Variants in ESS2 observed in about 807,000 individuals in gnomAD.
ESS2 encodes the protein ess-2 spliceosome associated protein, also known as splicing factor ESS-2 homolog.
A neutral mutation model predicts 52.0 loss-of-function variants in ESS2; 31 were observed. The ratio of observed to expected loss-of-function variants is 0.60; its 90% confidence interval spans 0.45 to 0.81. The LOEUF (loss-of-function observed/expected upper bound fraction) is 0.81, where lower values mean the gene tolerates loss of function less well. ESS2 is among the 30% of genes least tolerant of loss of function. The probability of loss-of-function intolerance (pLI) is 0.00; values close to 1 mark genes in which losing one functional copy is unlikely to be tolerated. For synonymous variants in ESS2, 285 were observed against 259.2 expected, an observed-to-expected ratio of 1.10 and a Z score of -0.95; for missense variants, 602 against 637.2, an observed-to-expected ratio of 0.94 and a Z score of 0.59.
chr22:19,136,031 TAAAA>T (rs377121962), intron 8 of ESS2, among the ~76,000 whole-genome samples: 1 of 92,536 alleles, frequency 1.1e-5, no homozygotes, highest in African/African-American at 4.4e-5. Flanking sequence ...CCCTATCTGT[TAAAA>T]AAAAAAAAAA....
rs540493772 is a variant in ESS2 at position 19,135,108 on chromosome 22, C to T, written c.1103G>A (p.Arg368Gln). ...CCGCAAGGCTTCCTGCTTCTTGGCC[C>T]GGTTCTTGGCAGCGGCCTCGTTGGC... ...KMANEAAAKN[R>Q]AKKQEALRRV... Residue 368 changes from arginine to glutamine, a missense_variant, in exon 9 of 10, where the codon CGG (arginine) becomes CAG (glutamine). Transcript: ENST00000252137. 9 of 1,614,104 alleles carry T rather than the reference C, an allele frequency of 5.6e-6. No homozygotes were observed. Among genetic ancestry groups the T allele is most frequent in the Admixed American group, 1.7e-5 (1 of 60,022 alleles).
At chr22:19,138,182 G>A in intron 7 of ESS2, 33 bp downstream of exon 7, 2 of 1,612,340 alleles carry the variant, frequency 1.2e-6, no homozygotes, top group Non-Finnish European at 8.5e-7. Context: ...AGTCCCAGCA[G>A]TAGACCCACT....
chr22:19,137,597 G>A lies in ESS2; in HGVS notation c.926-165C>T, dbSNP rs556900915. The stretch of plus-strand genomic sequence containing the variant: ...TGGAACCCTGGCACCTCCATCCTCC[G>A]AAAGGGAAATGCCAAGCTCCCAGCA... On this transcript the variant is annotated intron_variant, in intron 7 of 9. Coordinates refer to ENST00000252137, the MANE Select transcript of ESS2 (RefSeq NM_022719.3). 3.4e-4 allele frequency among the ~76,000 whole-genome samples: 51 copies of A among 152,238 alleles called. 1 individual carries two copies. The highest frequency in any genetic ancestry group is 1.2e-3 in the African/African-American group (50 of 41,540).
chr22:19,135,445 C>T (rs2083565364), intron 8 of ESS2, among the ~76,000 whole-genome samples: 2 of 152,198 alleles, frequency 1.3e-5, no homozygotes, highest in South Asian at 4.1e-4. Flanking sequence ...TTAGTGTTTC[C>T]CTGATTATCA....
In ESS2 at chr22:19,131,666, C is replaced by T; in HGVS notation, c.*2530G>A. On this transcript the variant is annotated 3_prime_UTR_variant, in exon 10 of 10. Transcript: ENST00000252137. The surrounding 1 kb of genome is among the most constrained non-coding windows in gnomAD (Gnocchi z 5.7). ...CCTCTGACGGACGGATCTACATCAT[C>T]ATGGAGCTTGGCGTCCAGGGCGACC... The T allele has an allele frequency of 7.4e-6, 12 of 1,614,166 alleles. No individual in the cohort carries two copies. The highest frequency in any genetic ancestry group is 2.2e-5 in the East Asian group (1 of 44,880).
At chr22:19,135,998 C>A (rs2083574344) in intron 8 of ESS2, among the ~76,000 whole-genome samples, 1 of 147,368 alleles carries the variant, frequency 6.8e-6, no homozygotes, top group Non-Finnish European at 1.5e-5. Context: ...CCACTGTTCT[C>A]CAGCCTGGGC....
At chr22:19,140,791 G>A (rs1258544827) in intron 3 of ESS2, among the ~76,000 whole-genome samples, 2 of 152,204 alleles carry the variant, frequency 1.3e-5, no homozygotes, top group African/African-American at 2.4e-5. Context: ...AAGACCCACG[G>A]GATGAGGACA....
intron 7 of ESS2, chr22:19,137,905 G>A: frequency 1.0e-6 from 1 of 985,350 alleles, no homozygotes; most frequent in Non-Finnish European, 1.2e-6. Context: ...GCAGTGCTAG[G>A]TAGACTTAGA....
intron 6 of ESS2, 101 bp downstream of exon 6, chr22:19,139,058 A>G: frequency 6.9e-7 from 1 of 1,440,004 alleles, no homozygotes. Flanking sequence ...GGTTCCACTC[A>G]CTGAGCTCTG....
chr22:19,132,700 G>A lies in ESS2; in HGVS notation c.*1496C>T. 1 of 562,130 alleles carries A rather than the reference G, an allele frequency of 1.8e-6. No individual in the cohort carries two copies. 34.8% of individuals were successfully genotyped at this position (562,130 alleles called of 1,614,324 possible). ...CAAATAAACCACAGGGTGTGTGCAA[G>A]CATCAAGAGTGCCCAGTGAGGAGTG... On this transcript the variant is annotated 3_prime_UTR_variant, in exon 10 of 10. Coordinates refer to ENST00000252137, the MANE Select transcript of ESS2 (RefSeq NM_022719.3). This position sits in a 1 kb window ranked among gnomAD's most constrained non-coding sequence, Gnocchi z 4.2.
chr22:19,143,610 C>G (rs1051177042), intron 1 of ESS2, among the ~76,000 whole-genome samples: 1 of 152,204 alleles, frequency 6.6e-6, no homozygotes, highest in African/African-American at 2.4e-5. Context: ...AATCCCAGCA[C>G]TTTGAGAGGC....
In ESS2 at chr22:19,132,337, A is replaced by G. The variant is rs1347606982; in HGVS notation, c.*1859T>C. 1 of 1,612,932 alleles carries G rather than the reference A, an allele frequency of 6.2e-7. No homozygotes were observed. The highest frequency in any genetic ancestry group is 1.7e-5 in the Admixed American group (1 of 60,004). ...TTGAGGCCCGACCACCGGCCCGACC[A>G]CAAGCTTGGAGCCAAAACCCAGCAC... On this transcript the variant is annotated 3_prime_UTR_variant, in exon 10 of 10. Transcript: ENST00000252137. This position sits in a 1 kb window ranked among gnomAD's most constrained non-coding sequence, Gnocchi z 4.2.
At chr22:19,138,028 C>T in intron 7 of ESS2, 187 bp downstream of exon 7, 2 of 985,390 alleles carry the variant, frequency 2.0e-6, no homozygotes, top group Non-Finnish European at 2.4e-6. Flanking sequence ...CCAGCCCACC[C>T]ACGGCCCCAA....
In ESS2 at chr22:19,131,561, G is replaced by A; in HGVS notation, c.*2635C>T. On this transcript the variant is annotated 3_prime_UTR_variant, in exon 10 of 10. Transcript: ENST00000252137. This position sits in a 1 kb window ranked among gnomAD's most constrained non-coding sequence, Gnocchi z 5.7. ...AGAAAACACCTACTGACTTTGTGGA[G>A]AGATTCCTTCCTCGGGAGATGGACA... is the stretch of plus-strand genomic sequence containing the variant. 1 of 1,614,164 alleles carries A rather than the reference G, an allele frequency of 6.2e-7. No homozygotes were observed. Among genetic ancestry groups the A allele is most frequent in the East Asian group, 2.2e-5 (1 of 44,872 alleles).
Position 19,138,269 on chromosome 22 carries a change from C to G in ESS2, c.871G>C (p.Glu291Gln), listed in dbSNP as rs1441883104. Residue 291 changes from glutamate (E) to glutamine (Q), a missense_variant, in exon 7 of 10, where the codon GAG becomes CAG. By Grantham distance (29) the Glu-to-Gln change is conservative. Transcript: ENST00000252137. ...CCAAATCCACCCACTCGAGGGGACT[C>G]CTGGGGGATCAGCTCCTTGCCATCG... ...GPDGKELIPQ[E>Q]SPRVGGFGFV... 1 of 1,613,982 alleles carries G rather than the reference C, an allele frequency of 6.2e-7. No homozygotes were observed. Among genetic ancestry groups the G allele is most frequent in the East Asian group, 2.2e-5 (1 of 44,870 alleles).
intron 1 of ESS2, among the ~76,000 whole-genome samples, chr22:19,143,197 C>T (rs1218629336): frequency 1.1e-5 from 1 of 90,364 alleles, no homozygotes; most frequent in Admixed American, 1.5e-4. Context: ...AGAGCGAGAC[C>T]GTCTCAAAAA....
intron 8 of ESS2, 121 bp downstream of exon 8, chr22:19,137,202 C>T (rs1349194117): frequency 7.0e-6 from 5 of 714,616 alleles, no homozygotes; most frequent in Non-Finnish European, 1.2e-5. Flanking sequence ...TCAGAAAAGC[C>T]AGCACTCTGC....
chr22:19,135,109 G>T lies in ESS2; in HGVS notation c.1102C>A (p.Arg368=), dbSNP rs757615100. 4.3e-6 allele frequency: 7 copies of T among 1,613,908 alleles called. No homozygotes were observed. The African/African-American group carries it at 9.3e-5, about 22-fold the overall frequency. The stretch of plus-strand genomic sequence containing the variant: ...CGCAAGGCTTCCTGCTTCTTGGCCC[G>T]GTTCTTGGCAGCGGCCTCGTTGGCC... ...KMANEAAAKN[R]AKKQEALRRV... is the part of the protein sequence containing the mutation. The change falls in exon 9 of 10, where the codon CGG becomes AGG. Residue 368 remains arginine (R), a synonymous_variant. Coordinates refer to ENST00000252137, the MANE Select transcript of ESS2 (RefSeq NM_022719.3).
chr22:19,133,771 G>A lies in ESS2; in HGVS notation c.*425C>T, dbSNP rs183416821. On this transcript the variant is annotated 3_prime_UTR_variant, in exon 10 of 10. Coordinates refer to ENST00000252137, the MANE Select transcript of ESS2 (RefSeq NM_022719.3). ...ACTCAGAACACAGGTTCCGAGTGCCGCAGAAAGCAACGCCAGTCACCCGGT... is the reference window on the plus strand; with the variant it reads ...ACTCAGAACACAGGTTCCGAGTGCCACAGAAAGCAACGCCAGTCACCCGGT... The A allele has an allele frequency of 1.4e-4, 24 of 167,914 alleles. No homozygotes were observed. The highest frequency in any genetic ancestry group is 2.1e-4 in the Non-Finnish European group (17 of 79,274). 10.4% of individuals were successfully genotyped at this position (167,914 alleles called of 1,614,324 possible).
Sources: gnomAD v4.1 joint callset for allele counts (sites outside exome capture counted in the v4.1 genomes callset) on GRCh38, gnomAD v4.1.1 for gene constraint, Gnocchi (gnomAD v3.1) non-coding constraint, MANE v1.5 for transcripts, NCBI Gene and HGNC (gene_info 2026-07-23, HGNC 2026-07-21) for gene names.